TSC1: variants seen among roughly 807,000 people sequenced by gnomAD.
TSC1 encodes hamartin.
In TSC1, 20 loss-of-function variants were observed where a neutral mutation model predicts 124.3. That is an observed-to-expected ratio of 0.16 (90% confidence interval 0.11 to 0.23). The LOEUF is 0.23. TSC1 is among the 10% of genes least tolerant of loss of function. TSC1 has a pLI of 1.00. For missense variants in TSC1, 1,124 were observed against 1,448.5 expected, an observed-to-expected ratio of 0.78 and a Z score of 3.64; for synonymous variants, 493 against 539.1, an observed-to-expected ratio of 0.91 and a Z score of 1.19.
intron 11 of TSC1, 61 bp downstream of exon 11, chr9:132,910,941 C>T: frequency 6.7e-7 from 1 of 1,481,532 alleles, no homozygotes; most frequent in Non-Finnish European, 9.4e-7. Context: ...AAAGAGAGCT[C>T]CTCCTGCCAT....
At chr9:132,911,745 C>A (rs1845980551) in intron 9 of TSC1, among the ~76,000 whole-genome samples, 177 bp from the exon 10 acceptor site, 1 of 147,082 alleles carries the variant, frequency 6.8e-6, no homozygotes, top group South Asian at 2.3e-4. Flanking sequence ...GACAAAGTAA[C>A]ACTTCAGAGT....
In TSC1 at chr9:132,900,847, A is replaced by T. The variant is rs2131690157; in HGVS notation, c.2503-10T>A. Reference sequence around the variant, plus strand: ...ACTCACTGTTTGAGAGCTAACCAAAAAACATGAGCAAAGTGAAAAATCCGA... The same window carrying T: ...ACTCACTGTTTGAGAGCTAACCAAATAACATGAGCAAAGTGAAAAATCCGA... On this transcript the variant is annotated splice_polypyrimidine_tract_variant and intron_variant, in intron 19 of 22. Transcript: ENST00000298552. 3 of 1,614,010 alleles carry T rather than the reference A, an allele frequency of 1.9e-6. No individual in the cohort carries two copies. Among genetic ancestry groups the T allele is most frequent in the Non-Finnish European group, 2.5e-6 (3 of 1,179,908 alleles).
At position 132,936,981 on chromosome 9, in the gene TSC1, G is replaced by A. The variant is rs554649311; in HGVS notation, c.-143-1886C>T. Among the ~76,000 whole-genome samples the A allele has an allele frequency of 1.1e-4, 16 of 152,294 alleles. No homozygotes were observed. In the South Asian group the frequency reaches 1.9e-3, roughly 18 times the overall value. ...GATGACAGAGTAATTATATTTCCAC[G>A]TGGAACACATTCCAGACATTAAACT... On this transcript the variant is annotated intron_variant, in intron 1 of 22. Transcript: ENST00000298552.
chr9:132,921,344 T>C lies in TSC1; in HGVS notation c.737+19A>G, dbSNP rs1162425973. The C allele has an allele frequency of 6.2e-7, 1 of 1,613,470 alleles. No homozygotes were observed. Among genetic ancestry groups the C allele is most frequent in the Non-Finnish European group, 8.5e-7 (1 of 1,179,416 alleles). ...ATCTCTCGAAAGATTCTTTAAAATT[T>C]TGACACTAGTTTCTATACCTTCGAG... On this transcript the variant is annotated intron_variant, in intron 8 of 22. Coordinates refer to ENST00000298552, the MANE Select transcript of TSC1 (RefSeq NM_000368.5). This position sits in a 1 kb window ranked among gnomAD's most constrained non-coding sequence, Gnocchi z 4.3.
At chr9:132,916,726 A>G (rs1318152322) in intron 8 of TSC1, among the ~76,000 whole-genome samples, 1 of 152,202 alleles carries the variant, frequency 6.6e-6, no homozygotes, top group East Asian at 1.9e-4. Flanking sequence ...TTACTAATGA[A>G]ATGCAAAGAA....
intron 9 of TSC1, 126 bp downstream of exon 9, chr9:132,912,156 G>C: frequency 8.8e-7 from 1 of 1,138,996 alleles, no homozygotes; most frequent in South Asian, 1.4e-5. Flanking sequence ...GCAAATTTAA[G>C]ATATTTTGGG....
At position 132,906,548 on chromosome 9, in the gene TSC1, CAAAAAA is replaced by C. The variant is rs11349075; in HGVS notation, c.1438+177_1438+182del. ...AGGGTGACAGAGCAAGACCCTGTCT[CAAAAAA>C]AAAAAAAAAAAAAGTGGCATCACTT... On this transcript the variant is annotated intron_variant, in intron 14 of 22. Coordinates refer to ENST00000298552, the MANE Select transcript of TSC1 (RefSeq NM_000368.5). The surrounding 1 kb of genome is among the most constrained non-coding windows in gnomAD (Gnocchi z 4.1). 1.1e-4 allele frequency: 46 copies of C among 414,142 alleles called. No homozygotes were observed. The highest frequency in any genetic ancestry group is 2.1e-4 in the East Asian group (5 of 23,408). The allele number at this position is 414,142 out of a possible 1,614,324, so 25.7% of individuals were successfully genotyped here.
chr9:132,943,848 A>G (rs1847884765), intron 1 of TSC1: 1 of 152,174 alleles, frequency 6.6e-6, no homozygotes, highest in Admixed American at 6.5e-5. Context: ...TTAATTCTAC[A>G]AGGTCCCTCC....
chr9:132,919,662 A>C (rs1453504155), intron 8 of TSC1, among the ~76,000 whole-genome samples: 1 of 152,190 alleles, frequency 6.6e-6, no homozygotes, highest in Non-Finnish European at 1.5e-5. Context: ...TAAACCAAGA[A>C]AGAAGACAAG....
Position 132,893,122 on chromosome 9 carries a change from CCT to C in TSC1, c.*3111_*3112del, listed in dbSNP as rs1051194893. ...AAGCTTTGGCTCACAAAGTAGCTCA[CCT>C]CTCGCCTCTCCACTCTTCAAGCTTA... On this transcript the variant is annotated 3_prime_UTR_variant, in exon 23 of 23. Coordinates refer to ENST00000298552, the MANE Select transcript of TSC1 (RefSeq NM_000368.5). The C allele has an allele frequency of 1.7e-5, 4 of 233,198 alleles. No homozygotes were observed. The highest frequency in any genetic ancestry group is 8.8e-5 in the African/African-American group (4 of 45,354). 14.4% of individuals were successfully genotyped at this position (233,198 alleles called of 1,614,324 possible). A position where few individuals can be genotyped will look rare whatever the true frequency, so the allele number is the denominator to read the frequency against.
chr9:132,906,584 T>C lies in TSC1; in HGVS notation c.1438+147A>G, dbSNP rs541260600. The C allele has an allele frequency of 1.3e-4, 91 of 679,374 alleles. 1 individual carries two copies. The African/African-American group carries it at 1.6e-3, about 12-fold the overall frequency. 42.1% of individuals were successfully genotyped at this position (679,374 alleles called of 1,614,324 possible). On this transcript the variant is annotated intron_variant, in intron 14 of 22. Coordinates refer to ENST00000298552, the MANE Select transcript of TSC1 (RefSeq NM_000368.5). The surrounding 1 kb of genome is among the most constrained non-coding windows in gnomAD (Gnocchi z 4.1). The stretch of plus-strand genomic sequence containing the variant: ...AAAAAAAAAGTGGCATCACTTTACC[T>C]GGCATAGGTCCCAGACTAAACCACC...
chr9:132,943,298 T>C (rs1445014839), intron 1 of TSC1, among the ~76,000 whole-genome samples: 1 of 151,078 alleles, frequency 6.6e-6, no homozygotes, highest in African/African-American at 2.4e-5. Flanking sequence ...ATCAGTTTTA[T>C]TAAACTATCA....
chr9:132,900,535 G>T, intron 20 of TSC1, 180 bp downstream of exon 20: 1 of 972,404 alleles, frequency 1.0e-6, no homozygotes, highest in African/African-American at 1.6e-5. Context: ...CCCAATAGGA[G>T]AAACAAGCTC....
chr9:132,930,417 C>T (rs1210849648), intron 2 of TSC1, among the ~76,000 whole-genome samples: 2 of 151,746 alleles, frequency 1.3e-5, no homozygotes, highest in Non-Finnish European at 2.9e-5. Flanking sequence ...GGTGAAGCCC[C>T]GTCTCTACTA....
At chr9:132,904,003 G>T (rs763100606) in intron 16 of TSC1, among the ~76,000 whole-genome samples, 186 bp from the exon 17 acceptor site, 6 of 152,066 alleles carry the variant, frequency 3.9e-5, no homozygotes, top group African/African-American at 9.7e-5. Context: ...TGTCTCCCCC[G>T]TGAAGGAATG....
At chr9:132,944,807 T>A (rs963674776), upstream of TSC1, 1 of 389,360 alleles carries the variant, frequency 2.6e-6, no homozygotes. Context: ...GTAAGGAGGG[T>A]TTTTATGGAG....
At chr9:132,913,905 T>G (rs975370606) in intron 8 of TSC1, among the ~76,000 whole-genome samples, 13 of 138,880 alleles carry the variant, frequency 9.4e-5, no homozygotes, top group Non-Finnish European at 1.9e-4. Flanking sequence ...TTTTTTTTTT[T>G]TTTTTTTTTT....
rs2131852779 is a variant in TSC1, at chr9:132,906,177, G to A, written c.1439-38C>T. On this transcript the variant is annotated intron_variant, in intron 14 of 22. Coordinates refer to ENST00000298552, the MANE Select transcript of TSC1 (RefSeq NM_000368.5). The surrounding 1 kb of genome is among the most constrained non-coding windows in gnomAD (Gnocchi z 4.1). Reference sequence around the variant, plus strand: ...GAGGAAACAAAAGAAATGGCAGTCGGTATTCCACCTGGGAAAGACTAGGCA... The same window carrying A: ...GAGGAAACAAAAGAAATGGCAGTCGATATTCCACCTGGGAAAGACTAGGCA... The A allele has an allele frequency of 1.3e-6, 2 of 1,596,210 alleles. No homozygotes were observed. Among genetic ancestry groups the A allele is most frequent in the African/African-American group, 1.3e-5 (1 of 74,858 alleles).
intron 1 of TSC1, among the ~76,000 whole-genome samples, 174 bp downstream of exon 1, chr9:132,944,369 T>C (rs956999292): frequency 2.6e-5 from 4 of 152,002 alleles, no homozygotes; most frequent in Admixed American, 2.6e-4. Flanking sequence ...CAGCCGGAGA[T>C]AGCGTGTAAT....
Sources: gnomAD v4.1 joint callset for allele counts (sites outside exome capture counted in the v4.1 genomes callset) on GRCh38, gnomAD v4.1.1 for gene constraint, Gnocchi (gnomAD v3.1) non-coding constraint, MANE v1.5 for transcripts, NCBI Gene and HGNC (gene_info 2026-07-23, HGNC 2026-07-21) for gene names.